The following TTN variants were observed in gnomAD, a reference collection of about 807,000 sequenced individuals.
TTN encodes the protein connectin.
A neutral mutation model predicts 3,223.0 loss-of-function variants in TTN; 1,525 were observed. The ratio of observed to expected loss-of-function variants is 0.47; its 90% confidence interval spans 0.45 to 0.49. TTN has a LOEUF of 0.49. TTN is among the 20% of genes least tolerant of loss of function. The probability of loss-of-function intolerance (pLI) is 0.00; values close to 1 mark genes in which losing one functional copy is unlikely to be tolerated. For missense variants in TTN, 40,786 were observed against 43,424.0 expected (o/e 0.94, Z 5.40); for synonymous variants, 14,094 against 15,161.0 (o/e 0.93, Z 5.17).
chr2:178,741,726 A>G lies in TTN; in HGVS notation c.11507T>C (p.Val3836Ala). Residue 3836 changes from valine (V) to alanine (A), a missense_variant, in exon 48 of 363, where the codon GTG becomes GCG. Coordinates refer to ENST00000589042, the MANE Select transcript of TTN (RefSeq NM_001267550.2). ...AATGACAGTTACAGACAGTGTAGCC[A>G]CATCCCCCATGCTTATATCAGCATT... The part of the protein sequence containing the change: ...VSNADISMGD[V>A]ATLSVTVIGI... 1 of 1,613,738 alleles carries G rather than the reference A, an allele frequency of 6.2e-7. No individual in the cohort carries two copies. Among genetic ancestry groups the G allele is most frequent in the Non-Finnish European group, 8.5e-7 (1 of 1,179,734 alleles).
At chr2:178,684,215 ACAACAACAACAT>A (rs1403480802) in intron 132 of TTN, 103 bp downstream of exon 132, 35 of 1,371,012 alleles carry the variant, frequency 2.6e-5, no homozygotes, top group Admixed American at 1.9e-4. Flanking sequence ...AACTGTAACA[ACAACAACAACAT>A]CAACAACAAC....
intron 98 of TTN, among the ~76,000 whole-genome samples, chr2:178,710,337 C>G (rs2076474086): frequency 6.6e-6 from 1 of 152,098 alleles, no homozygotes; most frequent in African/African-American, 2.4e-5. Flanking sequence ...ATCCCAGCTA[C>G]TCAGGAGGCT....
rs750855113 is a variant in TTN at position 178,539,154 on chromosome 2, A to G, written c.98781T>C (p.Ser32927=). 17 of 1,613,712 alleles carry G rather than the reference A, an allele frequency of 1.1e-5. No individual in the cohort carries two copies. The highest frequency in any genetic ancestry group is 1.7e-5 in the Admixed American group (1 of 59,986). Residue 32927 remains serine, a synonymous_variant, in exon 353 of 363, where the codon TCT becomes TCC. Coordinates refer to ENST00000589042, the MANE Select transcript of TTN (RefSeq NM_001267550.2). The stretch of plus-strand genomic sequence containing the variant: ...GTTCGATGTAGTAGCCTGTGACTCT[A>G]GAACCACCATCATCTTTGGGCCGGG... ...SWSRPKDDGG[S]RVTGYYIERK...
At chr2:178,764,122 TC>T in intron 43 of TTN, 54 bp downstream of exon 43, 1 of 1,613,156 alleles carries the variant, frequency 6.2e-7, no homozygotes, top group Admixed American at 1.7e-5. Flanking sequence ...AGAATGTTTT[TC>T]CCATGTAATT....
At position 178,695,904 on chromosome 2, in the gene TTN, C is replaced by T; in HGVS notation, c.31168G>A (p.Glu10390Lys). The T allele has an allele frequency of 6.8e-7, 1 of 1,464,360 alleles. No individual in the cohort carries two copies. Among genetic ancestry groups the T allele is most frequent in the Non-Finnish European group, 9.0e-7 (1 of 1,109,546 alleles). The allele number at this position is 1,464,360 out of a possible 1,614,324, so 90.7% of individuals were successfully genotyped here. A position where few individuals can be genotyped will look rare whatever the true frequency, so the allele number is the denominator to read the frequency against. ...TTTTGAACTTGAATTACTTCCCTTT[C>T]TTGGTAAGCCTCTTCCCACTCTTCC... ...GEEEWEEAYQ[E>K]REVIQVQKEV... Residue 10390 changes from glutamate (E) to lysine (K), a missense_variant, in exon 114 of 363, where the codon GAA (glutamate) becomes AAA (lysine). By Grantham distance (56) the Glu-to-Lys change is moderately conservative. Transcript: ENST00000589042.
In TTN at chr2:178,644,602, T is replaced by C. The variant is rs775980062; in HGVS notation, c.40423A>G (p.Lys13475Glu). The change falls in exon 218 of 363, where the codon AAA becomes GAA. Residue 13475 changes from lysine (K) to glutamate (E), a missense_variant. Lys to Glu is a moderately conservative substitution (Grantham distance 56). Coordinates refer to ENST00000589042, the MANE Select transcript of TTN (RefSeq NM_001267550.2). ...GGAACCTGAGGTTTTTCAGGAACTT[T>C]CTTCTTTGGAATAGCTTTAAAGAAT... ...IFQLKAIPKKKVPEKPQVPEK... is the reference protein window; with the variant it reads ...IFQLKAIPKKEVPEKPQVPEK... 6 of 1,573,792 alleles carry C rather than the reference T, an allele frequency of 3.8e-6. No homozygotes were observed. Among genetic ancestry groups the C allele is most frequent in the South Asian group, 1.2e-5 (1 of 82,884 alleles).
rs375017037 is a variant in TTN, at chr2:178,706,561, G to A, written c.29313C>T (p.Cys9771=). Residue 9771 remains cysteine (C), a synonymous_variant, in exon 102 of 363, where the codon TGC becomes TGT. Coordinates refer to ENST00000589042, the MANE Select transcript of TTN (RefSeq NM_001267550.2). The part of the protein sequence containing the change: ...TTKTDSGLYR[C]VAFNEHGEIE... ...TTTCACCATGTTCGTTAAATGCCAC[G>A]CATCGGTATAACCCAGAATCAGTTT... 2.9e-5 allele frequency: 46 copies of A among 1,613,758 alleles called. No homozygotes were observed. In the African/African-American group the frequency reaches 4.1e-4, roughly 15 times the overall value.
intron 15 of TTN, among the ~76,000 whole-genome samples, chr2:178,785,321 T>C (rs1574809239): frequency 1.3e-5 from 2 of 152,246 alleles, no homozygotes; most frequent in African/African-American, 2.4e-5. Context: ...ATTAGAACAA[T>C]AGTAATCAAA....
At chr2:178,696,535 TTCCATGAGAGC>T (rs569314430) in intron 113 of TTN, among the ~76,000 whole-genome samples, 16 of 152,108 alleles carry the variant, frequency 1.1e-4, no homozygotes, top group Middle Eastern at 3.4e-3. Context: ...CCTTCTATTA[TTCCATGAGAGC>T]TCCAGTTTGC....
Position 178,724,354 on chromosome 2 carries a change from A to G in TTN, c.21021T>C (p.Ile7007=). 6.2e-7 allele frequency: 1 copy of G among 1,613,562 alleles called. No homozygotes were observed. Among genetic ancestry groups the G allele is most frequent in the Non-Finnish European group, 8.5e-7 (1 of 1,179,624 alleles). Reference sequence around the variant, plus strand: ...CTGCATCTTGCCTTTCAACTGAGAGAATCCTTAAGGAAGAGATTTTGTTGT... The same window carrying G: ...CTGCATCTTGCCTTTCAACTGAGAGGATCCTTAAGGAAGAGATTTTGTTGT... ...SFYNKISSLR[I]LSVERQDAGT... The change falls in exon 72 of 363, where the codon ATT becomes ATC. Residue 7007 remains isoleucine (I), a synonymous_variant. Transcript: ENST00000589042.
At chr2:178,667,856 G>A (rs1179855145) in intron 159 of TTN, 135 bp from the exon 160 acceptor site, 2 of 595,154 alleles carry the variant, frequency 3.4e-6, no homozygotes, top group South Asian at 4.9e-5. Context: ...TTAGTGGCTA[G>A]AATGCATTGG....
intron 79 of TTN, 121 bp from the exon 80 acceptor site, chr2:178,720,784 AAATGAC>A: frequency 1.5e-6 from 2 of 1,369,060 alleles, no homozygotes; most frequent in East Asian, 5.0e-5. Context: ...CTGACACAAG[AAATGAC>A]AATTCATTAA....
Position 178,685,577 on chromosome 2 carries a change from TA to T in TTN, c.32332del (p.Tyr10778MetfsTer21), listed in dbSNP as rs2070642658. ...AATGTGCAGCTTTTCTTCCACAACA[TA>T]TTCCTCAGGCTCTTCCATCACTTTA... ...EYEVMEEPEE[Y>X]VVEEKLHIIS... On this transcript the variant is annotated frameshift_variant, in exon 128 of 363. Coordinates refer to ENST00000589042, the MANE Select transcript of TTN (RefSeq NM_001267550.2). LOFTEE classifies it high-confidence loss of function. 1 of 1,613,686 alleles carries T rather than the reference TA, an allele frequency of 6.2e-7. No homozygotes were observed. The highest frequency in any genetic ancestry group is 1.3e-5 in the African/African-American group (1 of 75,054).
At chr2:178,671,028 A>T (rs769178553) in intron 156 of TTN, 62 bp downstream of exon 156, 2 of 1,289,764 alleles carry the variant, frequency 1.6e-6, no homozygotes, top group Non-Finnish European at 2.2e-6. Flanking sequence ...ACTTGTGCTT[A>T]TAAAGCAACC....
chr2:178,578,626 C>A lies in TTN; in HGVS notation c.68314G>T (p.Gly22772Cys). ...LTWTDPKKTG[G>C]SPITGYHLEF... ...AACAAAATACCTGTAATTGGAGAAC[C>A]ACCAGTTTTCTTGGGGTCAGTCCAA... is the stretch of plus-strand genomic sequence containing the variant. The change falls in exon 321 of 363, where the codon GGT (glycine) becomes TGT (cysteine). Residue 22772 changes from glycine to cysteine, a missense_variant. Transcript: ENST00000589042. 6.2e-7 allele frequency: 1 copy of A among 1,610,844 alleles called. No homozygotes were observed. The highest frequency in any genetic ancestry group is 1.1e-5 in the South Asian group (1 of 90,538).
Position 178,795,010 on chromosome 2 carries a change from A to C in TTN, c.1157T>G (p.Val386Gly), listed in dbSNP as rs780285080. 1.2e-6 allele frequency: 2 copies of C among 1,611,154 alleles called. No individual in the cohort carries two copies. Among genetic ancestry groups the C allele is most frequent in the Non-Finnish European group, 1.7e-6 (2 of 1,179,990 alleles). ...WEGRYGVQEQ[V>G]TISGAAGAAA... ...AGCACCCGCAGCACCACTGATGGTC[A>C]CTTGCTCCTGGACACCGTATCTCCC... Residue 386 changes from valine (V) to glycine (G), a missense_variant, in exon 7 of 363, where the codon GTG (valine) becomes GGG (glycine). Physicochemically the swap from Val to Gly is moderately radical, Grantham distance 109 (BLOSUM62 -3). Transcript: ENST00000589042.
rs372424006 is a variant in TTN, at chr2:178,645,979, G to A, written c.40349C>T (p.Pro13450Leu). The A allele has an allele frequency of 6.9e-6, 11 of 1,585,096 alleles. No individual in the cohort carries two copies. In the Middle Eastern group the frequency reaches 1.0e-3, roughly 144 times the overall value. ...CTTAGGTGGAGCAGGTGGAGGAGGT[G>A]GGGGTCTTGGTTTGAGTTTTGGCTT... ...IEKPKLKPRP[P>L]PPPPAPPKED... is the part of the protein sequence containing the mutation. The change falls in exon 217 of 363, where the codon CCA becomes CTA. Residue 13450 changes from proline (P) to leucine (L), a missense_variant. Pro to Leu is a moderately conservative substitution (Grantham distance 98). Transcript: ENST00000589042.
At chr2:178,675,868 T>C in intron 148 of TTN, 53 bp downstream of exon 148, 1 of 1,566,064 alleles carries the variant, frequency 6.4e-7, no homozygotes, top group Non-Finnish European at 8.7e-7. Flanking sequence ...TTTTGACTTT[T>C]ATAGGAGAAG....
In TTN at chr2:178,667,306, G is replaced by A. The variant is rs1577154607; in HGVS notation, c.35727C>T (p.Thr11909=). The change falls in exon 162 of 363, where the codon ACC becomes ACT. Residue 11909 remains threonine, a synonymous_variant. Transcript: ENST00000589042. ...ETPATKEPDT[T]RGIFPEVEPP... Reference sequence around the variant, plus strand: ...GCTCCACCTCTGGAAAAATGCCTCTGGTTGTATCAGGTTCTTTAAAGATAT... The same window carrying A: ...GCTCCACCTCTGGAAAAATGCCTCTAGTTGTATCAGGTTCTTTAAAGATAT... 1 of 1,601,462 alleles carries A rather than the reference G, an allele frequency of 6.2e-7. No homozygotes were observed. Among genetic ancestry groups the A allele is most frequent in the Middle Eastern group, 1.7e-4 (1 of 6,040 alleles).
Sources: gnomAD v4.1 joint callset for allele counts (sites outside exome capture counted in the v4.1 genomes callset) on GRCh38, gnomAD v4.1.1 for gene constraint, MANE v1.5 for transcripts, NCBI Gene and HGNC (gene_info 2026-07-23, HGNC 2026-07-21) for gene names.